The following NEGR1 variants were observed in gnomAD, a reference collection of about 807,000 sequenced individuals.
The protein encoded by NEGR1 is IgLON family member 4.
In NEGR1, 10 loss-of-function variants were observed where a neutral mutation model predicts 40.9. That is an observed-to-expected ratio of 0.24 (90% CI 0.15 to 0.42). The LOEUF (loss-of-function observed/expected upper bound fraction) is 0.42, where lower values mean the gene tolerates loss of function less well. Ranked by LOEUF, NEGR1 falls within the 10% of genes least tolerant of loss-of-function variation. NEGR1 has a pLI of 1.00. For missense variants in NEGR1, 352 were observed against 438.9 expected, an observed-to-expected ratio of 0.80 and a Z score of 1.77; for synonymous variants, 185 against 166.8, an observed-to-expected ratio of 1.11 and a Z score of -0.84.
At chr1:72,097,219 T>C (rs1648737178) in intron 1 of NEGR1, among the ~76,000 whole-genome samples, 1 of 152,176 alleles carries the variant, frequency 6.6e-6, no homozygotes, top group Non-Finnish European at 1.5e-5. Context: ...CTAATCAATA[T>C]TTTAACTTGT....
intron 1 of NEGR1, among the ~76,000 whole-genome samples, chr1:72,136,528 T>A (rs997580877): frequency 6.7e-6 from 1 of 149,018 alleles, no homozygotes; most frequent in Non-Finnish European, 1.5e-5. Flanking sequence ...CAAAAAAAAA[T>A]GACTTCCAGA....
At chr1:72,270,730 AC>A (rs1316833498) in intron 1 of NEGR1, among the ~76,000 whole-genome samples, 1 of 151,750 alleles carries the variant, frequency 6.6e-6, no homozygotes, top group Non-Finnish European at 1.5e-5. Flanking sequence ...GTTTCATGTG[AC>A]CACCCAATTA....
intron 5 of NEGR1, among the ~76,000 whole-genome samples, chr1:71,608,828 T>C (rs1650150525): frequency 6.6e-6 from 1 of 152,190 alleles, no homozygotes; most frequent in African/African-American, 2.4e-5. Flanking sequence ...AGAAGTGCTG[T>C]GTTCATAAAT....
At chr1:72,282,296 G>T in intron 1 of NEGR1, 23 bp downstream of exon 1, 1 of 1,612,538 alleles carries the variant, frequency 6.2e-7, no homozygotes, top group Non-Finnish European at 8.5e-7. Context: ...AAACAAGTAC[G>T]AAAAGCACGC....
chr1:71,770,612 A>C (rs576765560), intron 3 of NEGR1, among the ~76,000 whole-genome samples: 1 of 152,376 alleles, frequency 6.6e-6, no homozygotes, highest in South Asian at 2.1e-4. Flanking sequence ...AAAGCATAGA[A>C]GTAAACAAAA....
intron 2 of NEGR1, among the ~76,000 whole-genome samples, chr1:71,841,410 C>T (rs1011222209): frequency 6.6e-6 from 1 of 152,102 alleles, no homozygotes; most frequent in African/African-American, 2.4e-5. Context: ...TAGTTCATTG[C>T]ACATCATGTT....
intron 1 of NEGR1, among the ~76,000 whole-genome samples, chr1:72,057,359 A>G (rs866702277): frequency 5.3e-5 from 8 of 151,516 alleles, no homozygotes; most frequent in Non-Finnish European, 1.2e-4. Flanking sequence ...CATGTATAAT[A>G]GTCTGTACAA....
At position 72,160,195 on chromosome 1, in the gene NEGR1, C is replaced by T. The variant is rs1165451473; in HGVS notation, c.176+122124G>A. On this transcript the variant is annotated intron_variant, in intron 1 of 6. Transcript: ENST00000357731. ...GTTTCATTCCTTTTTCCAACTCAAA[C>T]AGCTGCTACCATCTCAGAAGAAACA... Among the ~76,000 whole-genome samples the T allele has an allele frequency of 2.0e-5, 3 of 152,094 alleles. No individual in the cohort carries two copies. In the East Asian group the frequency reaches 5.8e-4, roughly 29 times the overall value.
rs994470305 is a variant in NEGR1 at position 72,079,480 on chromosome 1, T to C, written c.177-144169A>G. ...TAAAAATAGAAAGCAGTATTAGATATTAGAATAAATCAGTCCTATTTAACA... is the reference window on the plus strand; with the variant it reads ...TAAAAATAGAAAGCAGTATTAGATACTAGAATAAATCAGTCCTATTTAACA... On this transcript the variant is annotated intron_variant, in intron 1 of 6. Coordinates refer to ENST00000357731, the MANE Select transcript of NEGR1 (RefSeq NM_173808.3). Among the ~76,000 whole-genome samples, 15 of 152,078 alleles carry C rather than the reference T, an allele frequency of 9.9e-5. 1 individual carries two copies. The highest frequency in any genetic ancestry group is 9.8e-4 in the Admixed American group (15 of 15,258).
chr1:72,092,734 C>T (rs1372511215), intron 1 of NEGR1, among the ~76,000 whole-genome samples: 1 of 152,002 alleles, frequency 6.6e-6, no homozygotes, highest in Non-Finnish European at 1.5e-5. Context: ...ACTGCAGCCT[C>T]GACCTCCCCA....
intron 4 of NEGR1, among the ~76,000 whole-genome samples, chr1:71,677,759 G>T (rs1275259058): frequency 6.6e-6 from 1 of 152,178 alleles, no homozygotes; most frequent in Non-Finnish European, 1.5e-5. Flanking sequence ...TTACAAGTGA[G>T]AAAGTTAGTG....
At chr1:71,873,118 C>CAAAAAAA (rs34592789) in intron 2 of NEGR1, among the ~76,000 whole-genome samples, 15 of 81,794 alleles carry the variant, frequency 1.8e-4, no homozygotes, top group African/African-American at 2.6e-4. Flanking sequence ...AAAGATGTAG[C>CAAAAAAA]AAAAAAAAAA....
chr1:72,139,468 C>T (rs1294649619), intron 1 of NEGR1, among the ~76,000 whole-genome samples: 3 of 151,794 alleles, frequency 2.0e-5, no homozygotes, highest in African/African-American at 4.8e-5. Context: ...TACTCAGATT[C>T]TATAGATTTT....
chr1:71,526,968 C>A (rs955113717), intron 6 of NEGR1, among the ~76,000 whole-genome samples: 5 of 151,564 alleles, frequency 3.3e-5, no homozygotes, highest in African/African-American at 1.2e-4. Context: ...GTCTCTGTAC[C>A]TTTGTCCACA....
chr1:71,992,873 AG>A (rs1165052039), intron 1 of NEGR1, among the ~76,000 whole-genome samples: 1 of 152,212 alleles, frequency 6.6e-6, no homozygotes, highest in Non-Finnish European at 1.5e-5. Context: ...ACCAAAGTAA[AG>A]TTTAAATTAC....
At chr1:71,456,255 AT>A (rs1202936031) in intron 6 of NEGR1, among the ~76,000 whole-genome samples, 3 of 152,108 alleles carry the variant, frequency 2.0e-5, no homozygotes, top group South Asian at 2.1e-4. Context: ...ACTTTAAAAA[AT>A]TTTTTTATGT....
chr1:71,793,578 T>G (rs533702248), intron 2 of NEGR1, among the ~76,000 whole-genome samples: 1 of 152,042 alleles, frequency 6.6e-6, no homozygotes, highest in Non-Finnish European at 1.5e-5. Context: ...ATTCATTTCA[T>G]GAAACTGACA....
chr1:71,510,205 G>A (rs1473465814), intron 6 of NEGR1, among the ~76,000 whole-genome samples: 1 of 152,154 alleles, frequency 6.6e-6, no homozygotes, highest in Non-Finnish European at 1.5e-5. Context: ...CCTTGTGTAA[G>A]GGGACTAGCA....
At chr1:71,924,803 G>T (rs1020288287) in intron 2 of NEGR1, among the ~76,000 whole-genome samples, 1 of 151,992 alleles carries the variant, frequency 6.6e-6, no homozygotes, top group Non-Finnish European at 1.5e-5. Context: ...TTCTACACTT[G>T]TGAAAATATG....
Sources: allele counts gnomAD v4.1 joint callset (sites outside exome capture counted in the v4.1 genomes callset), GRCh38; gene constraint gnomAD v4.1.1; transcripts MANE v1.5; gene names NCBI Gene and HGNC (gene_info 2026-07-23, HGNC 2026-07-21).